The following STPG4 variants were observed in gnomAD, a reference collection of about 807,000 sequenced individuals.
The protein encoded by STPG4 is sperm-tail PG-rich repeat containing 4, also known as protein STPG4.
A neutral mutation model predicts 31.5 loss-of-function variants in STPG4; 41 were observed. The observed-to-expected ratio is 1.30, with a 90% CI of 1.01 to 1.69. The LOEUF (loss-of-function observed/expected upper bound fraction) is 1.69. Ranked by LOEUF, STPG4 falls within the 40% of genes most tolerant of loss-of-function variation. The pLI is 0.00. For missense variants in STPG4, 375 were observed against 293.4 expected, an observed-to-expected ratio of 1.28 and a Z score of -2.03; for synonymous variants, 141 against 103.0, an observed-to-expected ratio of 1.37 and a Z score of -2.24.
chr2:47,127,252 C>CTTTTTTTT lies in STPG4; in HGVS notation c.519+2681_519+2688dup, dbSNP rs57475505. On this transcript the variant is annotated intron_variant, in intron 5 of 6. Coordinates refer to ENST00000445927, the MANE Select transcript of STPG4 (RefSeq NM_001163561.2). Reference sequence around the variant, plus strand: ...CAAATAGCTTGTCTTCAAGCTAATTCTTTTTTTTTTTTTTTTTTTTTTTTT... The same window carrying CTTTTTTTT: ...CAAATAGCTTGTCTTCAAGCTAATTCTTTTTTTTTTTTTTTTTTTTTTTTTTTTTTTTT... Among the ~76,000 whole-genome samples, 365 of 57,448 alleles carry CTTTTTTTT rather than the reference C, an allele frequency of 6.4e-3. 86 individuals carry two copies. Among genetic ancestry groups the CTTTTTTTT allele is most frequent in the African/African-American group, 8.6e-3 (83 of 9,670 alleles). 37.7% of individuals were successfully genotyped at this position (57,448 alleles called of 152,430 possible).
intron 3 of STPG4, among the ~76,000 whole-genome samples, chr2:47,150,578 T>C (rs778124099): frequency 1.3e-5 from 2 of 151,844 alleles, no homozygotes; most frequent in South Asian, 2.1e-4. Flanking sequence ...TACAGTCATA[T>C]AATCATAGCT....
intron 5 of STPG4, among the ~76,000 whole-genome samples, chr2:47,109,658 T>G (rs1462196219): frequency 2.6e-5 from 4 of 152,094 alleles, no homozygotes; most frequent in African/African-American, 9.7e-5. Context: ...TTTGAGGAGG[T>G]TGAGACTGGG....
intron 5 of STPG4, among the ~76,000 whole-genome samples, chr2:47,102,578 G>A (rs1685822911): frequency 6.6e-6 from 1 of 151,782 alleles, no homozygotes; most frequent in African/African-American, 2.4e-5. Flanking sequence ...ACACAACTAT[G>A]CAAAGCTTGC....
rs757566807 is a variant in STPG4 at position 47,151,349 on chromosome 2, T to G, written c.308A>C (p.Asp103Ala). ...LNDLPQYMPP[D>A]FLDLLKKQVA... is the part of the protein sequence containing the mutation. ...TTGCTTCTTTAACAGGTCCAGGAAG[T>G]CAGGAGGCATATACTGCGGAAGATC... The change falls in exon 3 of 7, where the codon GAC (aspartate) becomes GCC (alanine). Residue 103 changes from aspartate (D) to alanine (A), a missense_variant. By Grantham distance (126) the Asp-to-Ala change is moderately radical. Transcript: ENST00000445927. The G allele has an allele frequency of 6.2e-7, 1 of 1,614,214 alleles. No individual in the cohort carries two copies. Among genetic ancestry groups the G allele is most frequent in the Non-Finnish European group, 8.5e-7 (1 of 1,180,042 alleles).
intron 5 of STPG4, among the ~76,000 whole-genome samples, chr2:47,126,750 T>C (rs1686374317): frequency 1.3e-5 from 2 of 150,480 alleles, no homozygotes; most frequent in African/African-American, 5.0e-5. Flanking sequence ...TGGGAAAGTA[T>C]TTATCCTTCA....
At chr2:47,091,850 C>T (rs139333307) in intron 5 of STPG4, among the ~76,000 whole-genome samples, 215 of 152,046 alleles carry the variant, frequency 1.4e-3, no homozygotes, top group East Asian at 4.5e-3. Context: ...TATTTAGCCA[C>T]AAAGACTGTA....
intron 5 of STPG4, among the ~76,000 whole-genome samples, chr2:47,118,779 G>C (rs932151779): frequency 6.6e-6 from 1 of 152,206 alleles, no homozygotes; most frequent in African/African-American, 2.4e-5. Flanking sequence ...GATTACATGA[G>C]ACAGTCTATG....
intron 2 of STPG4, among the ~76,000 whole-genome samples, 156 bp from the exon 3 acceptor site, chr2:47,151,671 T>C (rs915204190): frequency 3.3e-5 from 5 of 152,206 alleles, no homozygotes; most frequent in African/African-American, 1.2e-4. Flanking sequence ...CAGAAGAGTA[T>C]TTCAAAATCA....
At chr2:47,134,814 T>C (rs1316065530) in intron 3 of STPG4, among the ~76,000 whole-genome samples, 1 of 152,248 alleles carries the variant, frequency 6.6e-6, no homozygotes, top group Non-Finnish European at 1.5e-5. Context: ...CATTTTGCAT[T>C]CTCACTAGCA....
intron 1 of STPG4, among the ~76,000 whole-genome samples, chr2:47,154,885 G>T (rs531260832): frequency 1.1e-3 from 170 of 152,270 alleles, no homozygotes; most frequent in African/African-American, 3.8e-3. Flanking sequence ...TAAAGCAGTT[G>T]TCCAGTTTAA....
intron 3 of STPG4, among the ~76,000 whole-genome samples, chr2:47,144,886 A>G (rs1686788157): frequency 6.6e-6 from 1 of 152,148 alleles, no homozygotes; most frequent in Non-Finnish European, 1.5e-5. Context: ...GCGTGCCACC[A>G]TGCCTGGCTA....
chr2:47,132,952 G>A (rs1282767031), intron 3 of STPG4, among the ~76,000 whole-genome samples: 4 of 152,102 alleles, frequency 2.6e-5, no homozygotes, highest in Non-Finnish European at 5.9e-5. Flanking sequence ...TTGGTTACCT[G>A]TAACATCTAT....
intron 3 of STPG4, among the ~76,000 whole-genome samples, chr2:47,141,517 A>G (rs938517020): frequency 3.3e-5 from 5 of 151,630 alleles, no homozygotes; most frequent in African/African-American, 1.2e-4. Context: ...AGTGACAATC[A>G]CTGCATTACT....
intron 5 of STPG4, among the ~76,000 whole-genome samples, chr2:47,118,907 TAAC>T (rs1471753455): frequency 6.6e-6 from 1 of 152,246 alleles, no homozygotes; most frequent in Non-Finnish European, 1.5e-5. Context: ...CTTCCAGTTT[TAAC>T]AATCCTTCAC....
chr2:47,108,699 CTGTT>C (rs1685975200), intron 5 of STPG4: 1 of 153,120 alleles, frequency 6.5e-6, no homozygotes, highest in African/African-American at 2.4e-5. Context: ...TCCCTAGTCT[CTGTT>C]TAACTAAGGT....
intron 5 of STPG4, among the ~76,000 whole-genome samples, chr2:47,109,304 C>A (rs571679461): frequency 6.6e-6 from 1 of 152,326 alleles, no homozygotes; most frequent in South Asian, 2.1e-4. Flanking sequence ...TGCCTGTAAT[C>A]CCCACACTTT....
At position 47,133,985 on chromosome 2, in the gene STPG4, T is replaced by C. The variant is rs182140094; in HGVS notation, c.400-3725A>G. Among the ~76,000 whole-genome samples, 144 of 151,772 alleles carry C rather than the reference T, an allele frequency of 9.5e-4. 1 individual carries two copies. The highest frequency in any genetic ancestry group is 3.4e-3 in the Middle Eastern group (1 of 294). On this transcript the variant is annotated intron_variant, in intron 3 of 6. Transcript: ENST00000445927. ...CATCAATGTCAGAAAACTGAAATAA[T>C]GTGAAAAAAGCCAACCCTACTTACT...
chr2:47,146,176 C>T (rs1686814905), intron 3 of STPG4, among the ~76,000 whole-genome samples: 1 of 152,162 alleles, frequency 6.6e-6, no homozygotes, highest in Admixed American at 6.5e-5. Context: ...TTGAGAAAAG[C>T]CACTCAGAGA....
chr2:47,121,858 G>C (rs1425075286), intron 5 of STPG4, among the ~76,000 whole-genome samples: 2 of 18,402 alleles, frequency 1.1e-4, no homozygotes, highest in Non-Finnish European at 3.6e-4. Context: ...GTGTGTGTGT[G>C]TGTGTGTGTG....
Sources: allele counts gnomAD v4.1 joint callset (sites outside exome capture counted in the v4.1 genomes callset), GRCh38; gene constraint gnomAD v4.1.1; transcripts MANE v1.5; gene names NCBI Gene and HGNC (gene_info 2026-07-23, HGNC 2026-07-21).